The following ABI1 variants were observed in gnomAD, a reference collection of about 807,000 sequenced individuals.
The protein encoded by ABI1 is abl interactor 1, also known as Abelson interactor 1.
In ABI1, 14 loss-of-function variants were observed where a neutral mutation model predicts 54.6. The ratio of observed to expected loss-of-function variants is 0.26; its 90% CI spans 0.17 to 0.40. The LOEUF (loss-of-function observed/expected upper bound fraction) is 0.40. Among genes scored for constraint, ABI1 ranks in the 10% least tolerant of loss-of-function variants. The pLI is 1.00. For missense variants in ABI1, 443 were observed against 598.3 expected (o/e 0.74, Z 2.71); for synonymous variants, 194 against 209.3 (o/e 0.93, Z 0.63).
chr10:26,811,625 T>G (rs186679902), intron 2 of ABI1, among the ~76,000 whole-genome samples: 8 of 152,284 alleles, frequency 5.3e-5, no homozygotes. Flanking sequence ...TGAGAAATTT[T>G]TCGTGTTTTC....
Position 26,747,528 on chromosome 10 carries a change from A to G in ABI1, c.*1042T>C. The G allele has an allele frequency of 4.9e-6, 1 of 205,288 alleles. No individual in the cohort carries two copies. The allele number at this position is 205,288 out of a possible 1,614,324, so 12.7% of individuals were successfully genotyped here. ...TCCACTTTTACAATATGTAAAAGGT[A>G]CTTTTAACTTCCTTTCATTGAACCA... On this transcript the variant is annotated 3_prime_UTR_variant, in exon 11 of 11. Coordinates refer to ENST00000376140, the MANE Select transcript of ABI1 (RefSeq NM_001012750.3).
intron 2 of ABI1, among the ~76,000 whole-genome samples, chr10:26,802,743 C>T (rs1351643591): frequency 6.6e-6 from 1 of 152,100 alleles, no homozygotes; most frequent in Non-Finnish European, 1.5e-5. Flanking sequence ...AGAAGACCAC[C>T]TGGAGGAGGC....
intron 2 of ABI1, among the ~76,000 whole-genome samples, chr10:26,815,279 G>C (rs2047490629): frequency 6.6e-6 from 1 of 151,948 alleles, no homozygotes; most frequent in Non-Finnish European, 1.5e-5. Context: ...GTAATTCAAT[G>C]TAATTTACAG....
intron 1 of ABI1, among the ~76,000 whole-genome samples, chr10:26,857,882 C>T (rs2050968025): frequency 6.6e-6 from 1 of 151,206 alleles, no homozygotes; most frequent in Non-Finnish European, 1.5e-5. Flanking sequence ...AAAAAACTGT[C>T]CTTTTTAATG....
At chr10:26,802,427 T>A (rs908018581) in intron 2 of ABI1, among the ~76,000 whole-genome samples, 5 of 152,212 alleles carry the variant, frequency 3.3e-5, no homozygotes, top group Non-Finnish European at 5.9e-5. Flanking sequence ...CTGAGGCTCC[T>A]GTTTACCTAA....
intron 2 of ABI1, among the ~76,000 whole-genome samples, chr10:26,787,210 T>C (rs1842823091): frequency 6.6e-6 from 1 of 152,194 alleles, no homozygotes; most frequent in Non-Finnish European, 1.5e-5. Flanking sequence ...GGTGTAACCA[T>C]GGAGATCTTT....
intron 7 of ABI1, among the ~76,000 whole-genome samples, chr10:26,761,661 T>TATATATACATACACAC (rs1375832167): frequency 1.3e-5 from 1 of 78,940 alleles, no homozygotes; most frequent in Non-Finnish European, 2.4e-5. Flanking sequence ...TATATATATA[T>TATATATACATACACAC]ACACACACAC....
intron 6 of ABI1, among the ~76,000 whole-genome samples, chr10:26,767,003 A>G (rs1316602583): frequency 3.3e-5 from 5 of 152,190 alleles, no homozygotes; most frequent in Non-Finnish European, 7.3e-5. Flanking sequence ...CACGAATCCT[A>G]AAATATTGAC....
At chr10:26,809,373 C>T (rs980250261) in intron 2 of ABI1, among the ~76,000 whole-genome samples, 3 of 150,778 alleles carry the variant, frequency 2.0e-5, no homozygotes, top group African/African-American at 4.9e-5. Context: ...CCCTGGGAAA[C>T]ATAGTGAGAC....
chr10:26,838,837 C>A (rs149496031), intron 1 of ABI1, among the ~76,000 whole-genome samples: 389 of 152,314 alleles, frequency 2.6e-3, no homozygotes, highest in Middle Eastern at 0.014. Context: ...CAAGATAACA[C>A]TGCTAGGAAG....
intron 2 of ABI1, among the ~76,000 whole-genome samples, chr10:26,802,153 T>C (rs1037383411): frequency 6.6e-6 from 1 of 152,202 alleles, no homozygotes; most frequent in African/African-American, 2.4e-5. Context: ...AGAACATTTG[T>C]TATCCCTGGA....
At chr10:26,828,284 C>T (rs948906652) in intron 1 of ABI1, among the ~76,000 whole-genome samples, 6 of 152,198 alleles carry the variant, frequency 3.9e-5, no homozygotes, top group Middle Eastern at 6.8e-3. Context: ...TGCCCCAAAA[C>T]GATTACAGTA....
At chr10:26,759,786 A>C (rs900357943) in intron 7 of ABI1, among the ~76,000 whole-genome samples, 2 of 152,030 alleles carry the variant, frequency 1.3e-5, no homozygotes, top group South Asian at 2.1e-4. Flanking sequence ...AATATTTTTG[A>C]GTTTTTATTG....
chr10:26,763,854 T>C, intron 7 of ABI1: 1 of 1,589,442 alleles, frequency 6.3e-7, no homozygotes, highest in Non-Finnish European at 8.6e-7. Flanking sequence ...GTGAGTTCAA[T>C]GGCTCCAATG....
At chr10:26,809,060 A>AG (rs2047055797) in intron 2 of ABI1, among the ~76,000 whole-genome samples, 1 of 152,074 alleles carries the variant, frequency 6.6e-6, no homozygotes, top group African/African-American at 2.4e-5. Context: ...ACCTGAGGTC[A>AG]GGAGTTTGAG....
At chr10:26,846,343 T>C (rs1332701995) in intron 1 of ABI1, among the ~76,000 whole-genome samples, 1 of 77,698 alleles carries the variant, frequency 1.3e-5, no homozygotes, top group Non-Finnish European at 2.3e-5. Context: ...TTCTCTTTTC[T>C]TTTTTTTTTT....
chr10:26,812,609 C>G (rs1309445400), intron 2 of ABI1, among the ~76,000 whole-genome samples: 1 of 152,192 alleles, frequency 6.6e-6, no homozygotes, highest in Non-Finnish European at 1.5e-5. Flanking sequence ...CAAAGTACCA[C>G]AGGTAAGTGG....
chr10:26,800,920 C>T (rs1393703653), intron 2 of ABI1, among the ~76,000 whole-genome samples: 1 of 152,210 alleles, frequency 6.6e-6, no homozygotes, highest in African/African-American at 2.4e-5. Context: ...GCGGGAGAAT[C>T]ACTTGAACCC....
At chr10:26,762,868 G>C (rs1403297662) in intron 7 of ABI1, among the ~76,000 whole-genome samples, 1 of 152,150 alleles carries the variant, frequency 6.6e-6, no homozygotes, top group African/African-American at 2.4e-5. Context: ...TGTTCAACTT[G>C]ACTAGGTATC....
Sources: allele counts gnomAD v4.1 joint callset (sites outside exome capture counted in the v4.1 genomes callset), GRCh38; gene constraint gnomAD v4.1.1; transcripts MANE v1.5; gene names NCBI Gene and HGNC (gene_info 2026-07-23, HGNC 2026-07-21).